The following GNAI1 variants were observed in gnomAD, a reference collection of about 807,000 sequenced individuals.
GNAI1 encodes guanine nucleotide-binding protein G(i) subunit alpha-1.
A neutral mutation model predicts 38.9 loss-of-function variants in GNAI1; 11 were observed. The ratio of observed to expected loss-of-function variants is 0.28; its 90% CI spans 0.18 to 0.47. The LOEUF is 0.47. Ranked by LOEUF, GNAI1 falls within the 20% of genes least tolerant of loss-of-function variation. GNAI1 has a pLI of 0.99. For synonymous variants in GNAI1, 166 were observed against 145.1 expected, an observed-to-expected ratio of 1.14 and a Z score of -1.04; for missense variants, 317 against 436.9, an observed-to-expected ratio of 0.73 and a Z score of 2.45.
chr7:80,179,653 C>T (rs1226036549), intron 1 of GNAI1, among the ~76,000 whole-genome samples: 2 of 152,146 alleles, frequency 1.3e-5, no homozygotes, highest in Non-Finnish European at 2.9e-5. Flanking sequence ...TAACAATTTA[C>T]CATATCACCA....
At chr7:80,182,924 G>A (rs1788320057) in intron 1 of GNAI1, among the ~76,000 whole-genome samples, 2 of 152,086 alleles carry the variant, frequency 1.3e-5, no homozygotes, top group Non-Finnish European at 2.9e-5. Context: ...TCATTCATAG[G>A]AGAAAAAGAA....
Position 80,134,916 on chromosome 7 carries a change from C to T in GNAI1, c.-245C>T. ...GTACCCAGAGATTCAAAACCCCAAA[C>T]CCGGGACTTGGGGGCGCTGAGCCGG... On this transcript the variant is annotated 5_prime_UTR_variant, in exon 1 of 8. Transcript: ENST00000649796. 2.8e-6 allele frequency: 1 copy of T among 361,622 alleles called. No homozygotes were observed. The highest frequency in any genetic ancestry group is 4.9e-6 in the Non-Finnish European group (1 of 203,086). 22.4% of individuals were successfully genotyped at this position (361,622 alleles called of 1,614,324 possible). A position where few individuals can be genotyped will look rare whatever the true frequency, so the allele number is the denominator to read the frequency against.
At chr7:80,170,466 A>G (rs781141567) in intron 1 of GNAI1, among the ~76,000 whole-genome samples, 1 of 152,138 alleles carries the variant, frequency 6.6e-6, no homozygotes, top group Non-Finnish European at 1.5e-5. Flanking sequence ...TGGAGGCCTT[A>G]TTAGTCCATT....
chr7:80,200,843 A>G (rs530646098), intron 4 of GNAI1, among the ~76,000 whole-genome samples: 2 of 152,286 alleles, frequency 1.3e-5, no homozygotes. Flanking sequence ...TATGTAGCCC[A>G]TCTCTCCAAC....
intron 5 of GNAI1, among the ~76,000 whole-genome samples, chr7:80,206,149 AT>A: frequency 6.6e-6 from 1 of 152,002 alleles, no homozygotes. Context: ...CTTGTCACTG[AT>A]TTACAGGTGG....
chr7:80,136,080 C>A, intron 1 of GNAI1: 1 of 979,196 alleles, frequency 1.0e-6, no homozygotes, highest in Non-Finnish European at 1.2e-6. Flanking sequence ...CAGGTACACG[C>A]AAGGCTTTTA....
intron 1 of GNAI1, among the ~76,000 whole-genome samples, chr7:80,172,737 C>T (rs1021893473): frequency 2.0e-5 from 3 of 152,190 alleles, no homozygotes; most frequent in Non-Finnish European, 4.4e-5. Flanking sequence ...ACCTGTTCAG[C>T]GGCATTTTTT....
At chr7:80,157,191 G>A (rs1273084796) in intron 1 of GNAI1, among the ~76,000 whole-genome samples, 1 of 151,984 alleles carries the variant, frequency 6.6e-6, no homozygotes, top group African/African-American at 2.4e-5. Flanking sequence ...CCAGAATGTC[G>A]TATAGTTGAA....
In GNAI1 at chr7:80,139,716, G is replaced by T. The variant is rs545138235; in HGVS notation, c.118+4438G>T. On this transcript the variant is annotated intron_variant, in intron 1 of 7. Coordinates refer to ENST00000649796, the MANE Select transcript of GNAI1 (RefSeq NM_002069.6). ...CAGCCAAATTATGTAAACAAAAAAG[G>T]AATAGTAAATTATGTGATGACCACA... Among the ~76,000 whole-genome samples, 13 of 152,194 alleles carry T rather than the reference G, an allele frequency of 8.5e-5. No individual in the cohort carries two copies. The East Asian group carries it at 2.5e-3, about 29-fold the overall frequency.
At position 80,185,859 on chromosome 7, in the gene GNAI1, T is replaced by C. The variant is rs117461916; in HGVS notation, c.119-3092T>C. 1.6e-3 allele frequency among the ~76,000 whole-genome samples: 244 copies of C among 152,286 alleles called. 1 individual carries two copies. The highest frequency in any genetic ancestry group is 2.9e-3 in the Non-Finnish European group (196 of 68,020). On this transcript the variant is annotated intron_variant, in intron 1 of 7. Coordinates refer to ENST00000649796, the MANE Select transcript of GNAI1 (RefSeq NM_002069.6). The stretch of plus-strand genomic sequence containing the variant: ...CACGTGGCATTTGTAATTTTCCTCT[T>C]AGGAGACTCTGTATGGAATTGAGAG...
intron 1 of GNAI1, among the ~76,000 whole-genome samples, chr7:80,156,484 A>G (rs1377947192): frequency 6.6e-6 from 1 of 151,544 alleles, no homozygotes; most frequent in Non-Finnish European, 1.5e-5. Flanking sequence ...GCTGGAGTGC[A>G]GCGGTGCAAC....
At chr7:80,201,455 T>C (rs1452892247) in intron 4 of GNAI1, among the ~76,000 whole-genome samples, 2 of 152,148 alleles carry the variant, frequency 1.3e-5, no homozygotes, top group Non-Finnish European at 2.9e-5. Flanking sequence ...TGGTGGCTCA[T>C]GCTTTGTAAT....
At chr7:80,143,925 C>CGT (rs370293886) in intron 1 of GNAI1, among the ~76,000 whole-genome samples, 7 of 126,760 alleles carry the variant, frequency 5.5e-5, no homozygotes, top group Admixed American at 4.0e-4. Context: ...TGTGTGTGCG[C>CGT]GCGTGTGTGT....
At chr7:80,207,711 G>A (rs555666757) in intron 5 of GNAI1, among the ~76,000 whole-genome samples, 53 of 151,542 alleles carry the variant, frequency 3.5e-4, no homozygotes, top group African/African-American at 1.1e-3. Flanking sequence ...GGTTTTTTTC[G>A]TGCTCTTCAT....
chr7:80,207,638 TGAGA>T (rs1788798308), intron 5 of GNAI1, among the ~76,000 whole-genome samples: 1 of 152,142 alleles, frequency 6.6e-6, no homozygotes, highest in Admixed American at 6.6e-5. Flanking sequence ...CTCAGATGAA[TGAGA>T]GCAGAAATGC....
chr7:80,163,924 CT>C (rs1439709769), intron 1 of GNAI1, among the ~76,000 whole-genome samples: 1 of 147,080 alleles, frequency 6.8e-6, no homozygotes, highest in Non-Finnish European at 1.5e-5. Flanking sequence ...CAGAACTGAC[CT>C]TTTTTAGTGA....
At chr7:80,150,732 A>G (rs1304715311) in intron 1 of GNAI1, among the ~76,000 whole-genome samples, 3 of 152,218 alleles carry the variant, frequency 2.0e-5, no homozygotes, top group Non-Finnish European at 4.4e-5. Context: ...GTAAATAAAC[A>G]GAACTTTTGT....
At chr7:80,204,677 C>A (rs1170058631) in intron 5 of GNAI1, among the ~76,000 whole-genome samples, 9 of 152,126 alleles carry the variant, frequency 5.9e-5, no homozygotes, top group African/African-American at 2.2e-4. Flanking sequence ...CCATGACTTT[C>A]TTCTTCTAAA....
At chr7:80,167,679 A>G (rs1363917132) in intron 1 of GNAI1, among the ~76,000 whole-genome samples, 4 of 152,176 alleles carry the variant, frequency 2.6e-5, no homozygotes, top group African/African-American at 9.6e-5. Flanking sequence ...TTGTTTCCTT[A>G]TATAGAATCA....
Sources: gnomAD v4.1 joint callset for allele counts (sites outside exome capture counted in the v4.1 genomes callset) on GRCh38, gnomAD v4.1.1 for gene constraint, MANE v1.5 for transcripts, NCBI Gene and HGNC (gene_info 2026-07-23, HGNC 2026-07-21) for gene names.